Variants in HYDIN observed in about 807,000 individuals in gnomAD.
HYDIN encodes the protein axonemal central pair apparatus protein HYDIN.
HYDIN carries 132 observed loss-of-function variants against 403.9 expected under a neutral mutation model. The observed-to-expected ratio is 0.33, with a 90% CI of 0.28 to 0.38. HYDIN has a LOEUF of 0.38. HYDIN is among the 10% of genes least tolerant of loss of function. The pLI is 1.00. For synonymous variants in HYDIN, 1,202 were observed against 1,891.7 expected (o/e 0.64, Z 9.46); for missense variants, 2,827 against 5,009.5 (o/e 0.56, Z 13.15).
At chr16:71,040,922 C>T (rs907494970) in intron 18 of HYDIN, among the ~76,000 whole-genome samples, 2 of 142,858 alleles carry the variant, frequency 1.4e-5, no homozygotes, top group African/African-American at 2.6e-5. Flanking sequence ...TTCCGACCCA[C>T]GAAAAACTTA....
At chr16:70,824,022 G>A (rs1189617373) in intron 83 of HYDIN, among the ~76,000 whole-genome samples, 1 of 150,902 alleles carries the variant, frequency 6.6e-6, no homozygotes, top group Admixed American at 6.6e-5. Flanking sequence ...TCCAATGCCT[G>A]AGAAAAGTTG....
At chr16:71,186,667 T>C (rs1040469270) in intron 2 of HYDIN, 94 bp downstream of exon 2, 1 of 952,974 alleles carries the variant, frequency 1.0e-6, no homozygotes, top group Non-Finnish European at 1.6e-6. Flanking sequence ...AGTCAGTAAT[T>C]CTGTTTGGCA....
intron 1 of HYDIN, among the ~76,000 whole-genome samples, chr16:71,230,295 TTCCAAGTTGGAA>T (rs2041222462): frequency 6.6e-6 from 1 of 152,206 alleles, no homozygotes; most frequent in African/African-American, 2.4e-5. Context: ...CTGGGGCTAA[TTCCAAGTTGGAA>T]GCGAGGCAGC....
intron 23 of HYDIN, among the ~76,000 whole-genome samples, chr16:71,004,306 C>T (rs542673943): frequency 7.7e-6 from 1 of 129,890 alleles, no homozygotes; most frequent in African/African-American, 3.5e-5. Flanking sequence ...AAGAGCGAAA[C>T]TCCATTTCAA....
chr16:70,931,217 T>C (rs1464731312), intron 45 of HYDIN, among the ~76,000 whole-genome samples: 15 of 110,368 alleles, frequency 1.4e-4, no homozygotes, highest in South Asian at 2.8e-4. Context: ...TCTGTTTTTT[T>C]TTTTTTTTTT....
chr16:71,210,185 T>C (rs1598038112), intron 1 of HYDIN, among the ~76,000 whole-genome samples: 1 of 152,316 alleles, frequency 6.6e-6, no homozygotes, highest in East Asian at 1.9e-4. Flanking sequence ...ATACAAATCA[T>C]TCTACCATAA....
intron 2 of HYDIN, 28 bp from the exon 3 acceptor site, chr16:71,185,018 G>T: frequency 6.5e-7 from 1 of 1,543,366 alleles, no homozygotes; most frequent in Admixed American, 1.8e-5. Flanking sequence ...AAGAACCAAA[G>T]ATTCTTAAGT....
At chr16:70,888,127 A>G (rs909515970) in intron 58 of HYDIN, among the ~76,000 whole-genome samples, 1 of 152,258 alleles carries the variant, frequency 6.6e-6, no homozygotes, top group Non-Finnish European at 1.5e-5. Flanking sequence ...ATACTATTTT[A>G]AAAATTTTCC....
chr16:70,894,402 C>T (rs1268477459), intron 55 of HYDIN, 47 bp downstream of exon 55: 19 of 1,611,332 alleles, frequency 1.2e-5, no homozygotes, highest in Non-Finnish European at 1.6e-5. Flanking sequence ...CCACATTCCT[C>T]CCCACGGCGG....
At chr16:70,902,817 A>T (rs1196880485) in intron 52 of HYDIN, among the ~76,000 whole-genome samples, 15 of 15,646 alleles carry the variant, frequency 9.6e-4, no homozygotes, top group African/African-American at 3.3e-3. Context: ...ATATATATAT[A>T]TATATTTTTT....
intron 1 of HYDIN, among the ~76,000 whole-genome samples, chr16:71,226,009 T>C (rs982598937): frequency 6.6e-6 from 1 of 152,178 alleles, no homozygotes; most frequent in African/African-American, 2.4e-5. Flanking sequence ...TATACTCCAA[T>C]GAAATCTAAT....
chr16:71,158,336 C>T (rs1328555895), intron 6 of HYDIN, among the ~76,000 whole-genome samples: 1 of 152,142 alleles, frequency 6.6e-6, no homozygotes, highest in African/African-American at 2.4e-5. Flanking sequence ...GAGTTGCCTC[C>T]CATTTTACCT....
At position 70,883,984 on chromosome 16, in the gene HYDIN, G is replaced by C. The variant is rs762921606; in HGVS notation, c.9915C>G (p.Gly3305=). The change falls in exon 59 of 86, where the codon GGC becomes GGG. Residue 3305 remains glycine (G), a synonymous_variant. Transcript: ENST00000393567. ...CEEFIAIDIS[G]RDPAVHPAGI... is the part of the protein sequence containing the mutation. ...CGGCAGGGTGGACTGCAGGGTCTCG[G>C]CCGGAGATATCGATGGCTATAAACT... 2.4e-5 allele frequency: 38 copies of C among 1,614,034 alleles called. 1 individual carries two copies. In the South Asian group the frequency reaches 4.2e-4, roughly 18 times the overall value.
intron 23 of HYDIN, among the ~76,000 whole-genome samples, chr16:71,010,672 T>C (rs934058873): frequency 2.0e-5 from 3 of 152,234 alleles, no homozygotes; most frequent in African/African-American, 7.2e-5. Flanking sequence ...AGCCAAAGTC[T>C]GACTCGGACA....
At chr16:71,181,826 T>G (rs536201557) in intron 3 of HYDIN, among the ~76,000 whole-genome samples, 1 of 152,084 alleles carries the variant, frequency 6.6e-6, no homozygotes, top group Non-Finnish European at 1.5e-5. Flanking sequence ...CCTCATGAAG[T>G]TGACATTCTT....
intron 45 of HYDIN, among the ~76,000 whole-genome samples, chr16:70,932,035 A>AG (rs2077356202): frequency 7.0e-6 from 1 of 143,196 alleles, no homozygotes; most frequent in Non-Finnish European, 1.5e-5. Context: ...AAAAAAAAAA[A>AG]GGTAAAAACA....
chr16:71,183,757 T>G (rs2087007493), intron 3 of HYDIN, among the ~76,000 whole-genome samples: 1 of 152,152 alleles, frequency 6.6e-6, no homozygotes, highest in East Asian at 1.9e-4. Flanking sequence ...AATTAGTAGA[T>G]GACTGCCACC....
At chr16:71,175,912 A>G in intron 4 of HYDIN, 171 bp from the exon 5 acceptor site, 1 of 702,178 alleles carries the variant, frequency 1.4e-6, no homozygotes, top group Non-Finnish European at 2.6e-6. Flanking sequence ...ATACAAAGTA[A>G]GCACCCAATA....
chr16:71,134,223 A>G (rs1490845186), intron 8 of HYDIN, among the ~76,000 whole-genome samples: 1 of 152,036 alleles, frequency 6.6e-6, no homozygotes, highest in Admixed American at 6.5e-5. Context: ...GCATTATTGA[A>G]GCGATCTTAG....
Sources: gnomAD v4.1 joint callset for allele counts (sites outside exome capture counted in the v4.1 genomes callset) on GRCh38, gnomAD v4.1.1 for gene constraint, MANE v1.5 for transcripts, NCBI Gene and HGNC (gene_info 2026-07-23, HGNC 2026-07-21) for gene names.